ERBB4: variants seen among roughly 807,000 people sequenced by gnomAD.
ERBB4 encodes erb-b2 receptor tyrosine kinase 4.
Under a neutral mutation model 158.0 loss-of-function variants are expected in ERBB4, and 42 were observed. The observed-to-expected ratio is 0.27, with a 90% CI of 0.21 to 0.34. The LOEUF (loss-of-function observed/expected upper bound fraction) is 0.34. Ranked by LOEUF, ERBB4 falls within the 10% of genes least tolerant of loss-of-function variation. ERBB4 has a pLI of 1.00. For missense variants in ERBB4, 1,333 were observed against 1,624.1 expected (o/e 0.82, Z 3.08); for synonymous variants, 583 against 558.7 (o/e 1.04, Z -0.61).
At chr2:211,995,332 TTGA>T (rs1376839415) in intron 2 of ERBB4, among the ~76,000 whole-genome samples, 2 of 152,226 alleles carry the variant, frequency 1.3e-5, no homozygotes, top group Non-Finnish European at 2.9e-5. Flanking sequence ...GGAACTCTAA[TTGA>T]TGATTGCAAT....
At chr2:211,823,776 A>C (rs2077042156) in intron 3 of ERBB4, among the ~76,000 whole-genome samples, 1 of 152,022 alleles carries the variant, frequency 6.6e-6, no homozygotes, top group Admixed American at 6.6e-5. Flanking sequence ...TCCTCTGATA[A>C]GGTCAGGTTT....
chr2:212,529,596 C>T (rs1531788), intron 1 of ERBB4, among the ~76,000 whole-genome samples: 62,411 of 151,908 alleles, frequency 0.41, 14,803 homozygotes, highest in African/African-American at 0.67. Context: ...CATTCATGAA[C>T]GAGCTTAAAA....
rs191715186 is a variant in ERBB4, at chr2:212,142,244, C to T, written c.83-17341G>A. Among the ~76,000 whole-genome samples, 10 of 152,076 alleles carry T rather than the reference C, an allele frequency of 6.6e-5. No individual in the cohort carries two copies. The East Asian group carries it at 1.7e-3, about 26-fold the overall frequency. On this transcript the variant is annotated intron_variant, in intron 1 of 27. Coordinates refer to ENST00000342788, the MANE Select transcript of ERBB4 (RefSeq NM_005235.3). ...AGCTGCCATATTATATCTTCATTTACCATGTAAGCCCTATGAGGGCAGGAA... is the reference window on the plus strand; with the variant it reads ...AGCTGCCATATTATATCTTCATTTATCATGTAAGCCCTATGAGGGCAGGAA...
At chr2:212,240,869 A>G (rs1186335705) in intron 1 of ERBB4, among the ~76,000 whole-genome samples, 2 of 151,992 alleles carry the variant, frequency 1.3e-5, no homozygotes, top group Non-Finnish European at 2.9e-5. Context: ...ATGTCTTGCA[A>G]GACGGACATT....
intron 1 of ERBB4, among the ~76,000 whole-genome samples, chr2:212,198,076 C>T (rs1198666030): frequency 3.3e-5 from 5 of 152,070 alleles, no homozygotes; most frequent in Non-Finnish European, 5.9e-5. Context: ...GAAAAGAATG[C>T]TCATATGAGA....
At chr2:212,349,287 TCA>T (rs3040350) in intron 1 of ERBB4, among the ~76,000 whole-genome samples, 51,039 of 146,192 alleles carry the variant, frequency 0.35, 9,504 homozygotes, top group East Asian at 0.6. Flanking sequence ...AACTTCTTAA[TCA>T]CACACACACA....
chr2:212,092,331 G>T (rs1287653602), intron 2 of ERBB4, among the ~76,000 whole-genome samples: 1 of 152,100 alleles, frequency 6.6e-6, no homozygotes, highest in Non-Finnish European at 1.5e-5. Flanking sequence ...CTTGTTCAGT[G>T]CTCAGAAATT....
rs78905529 is a variant in ERBB4, at chr2:212,117,068, C to T, written c.234+7684G>A. ...ACATACAAAATTGCATATGTATTAT[C>T]TTTAACGGCCTTAGAAACAGCTTTC... On this transcript the variant is annotated intron_variant, in intron 2 of 27. Coordinates refer to ENST00000342788, the MANE Select transcript of ERBB4 (RefSeq NM_005235.3). Among the ~76,000 whole-genome samples, 1,298 of 152,262 alleles carry T rather than the reference C, an allele frequency of 8.5e-3. 13 individuals carry two copies. Among genetic ancestry groups the T allele is most frequent in the Non-Finnish European group, 0.012 (819 of 68,018 alleles).
intron 1 of ERBB4, among the ~76,000 whole-genome samples, chr2:212,436,660 T>A (rs1263910487): frequency 6.6e-6 from 1 of 152,074 alleles, no homozygotes; most frequent in Admixed American, 6.6e-5. Flanking sequence ...AGAAAATATA[T>A]AAATGAATTC....
At chr2:212,466,931 A>T (rs1412874470) in intron 1 of ERBB4, among the ~76,000 whole-genome samples, 2 of 152,240 alleles carry the variant, frequency 1.3e-5, no homozygotes, top group African/African-American at 4.8e-5. Flanking sequence ...AGGTGGTTTC[A>T]GATGGAGATG....
At chr2:212,362,438 T>A (rs1276311548) in intron 1 of ERBB4, among the ~76,000 whole-genome samples, 1 of 151,210 alleles carries the variant, frequency 6.6e-6, no homozygotes, top group Non-Finnish European at 1.5e-5. Context: ...CCCATTTTGA[T>A]GTCCTAAGAA....
intron 9 of ERBB4, among the ~76,000 whole-genome samples, chr2:211,706,747 C>T (rs1289028420): frequency 2.6e-5 from 4 of 152,088 alleles, no homozygotes; most frequent in African/African-American, 9.7e-5. Context: ...TGGAGAAACA[C>T]TATAAATGTG....
intron 2 of ERBB4, among the ~76,000 whole-genome samples, chr2:212,107,420 T>C (rs940950079): frequency 2.0e-5 from 3 of 152,180 alleles, no homozygotes; most frequent in Non-Finnish European, 2.9e-5. Flanking sequence ...CCATTTGAAA[T>C]GGGTGTATTT....
intron 1 of ERBB4, among the ~76,000 whole-genome samples, chr2:212,515,780 T>C (rs1691803968): frequency 6.6e-6 from 1 of 152,020 alleles, no homozygotes; most frequent in Non-Finnish European, 1.5e-5. Flanking sequence ...TTCAGGGTAA[T>C]GAACCATTAA....
intron 3 of ERBB4, among the ~76,000 whole-genome samples, chr2:211,917,880 G>T (rs1449137120): frequency 1.3e-5 from 2 of 152,136 alleles, no homozygotes; most frequent in Admixed American, 1.3e-4. Flanking sequence ...TACTATGCTG[G>T]TGGTATTAAC....
intron 3 of ERBB4, among the ~76,000 whole-genome samples, chr2:211,861,124 T>TTATATATATATATATA (rs143515103): frequency 1.5e-4 from 3 of 20,256 alleles, no homozygotes; most frequent in African/African-American, 6.8e-4. Context: ...TATATATATT[T>TTATATATATATATATA]TATATATATA....
chr2:212,203,929 C>A, intron 1 of ERBB4, among the ~76,000 whole-genome samples: 1 of 152,182 alleles, frequency 6.6e-6, no homozygotes. Flanking sequence ...TACTAAGTCA[C>A]TTGACTGAAA....
chr2:212,125,042 G>A (rs1353196954), intron 1 of ERBB4, 139 bp from the exon 2 acceptor site: 23 of 972,636 alleles, frequency 2.4e-5, no homozygotes, highest in Non-Finnish European at 3.5e-5. Flanking sequence ...TCATTAAGAG[G>A]CATAGACCCA....
At chr2:211,740,133 G>T (rs1308620962) in intron 5 of ERBB4, among the ~76,000 whole-genome samples, 2 of 152,036 alleles carry the variant, frequency 1.3e-5, no homozygotes, top group Non-Finnish European at 2.9e-5. Flanking sequence ...AGTTACTCAA[G>T]AAATACTGAA....
Sources: gnomAD v4.1 joint callset for allele counts (sites outside exome capture counted in the v4.1 genomes callset) on GRCh38, gnomAD v4.1.1 for gene constraint, MANE v1.5 for transcripts, NCBI Gene and HGNC (gene_info 2026-07-23, HGNC 2026-07-21) for gene names.